ZBTB40: variants seen among roughly 807,000 people sequenced by gnomAD.
ZBTB40 encodes the protein zinc finger and BTB domain containing 40, also known as zinc finger and BTB domain-containing protein 40.
Under a neutral mutation model 117.5 loss-of-function variants are expected in ZBTB40, and 60 were observed. The ratio of observed to expected loss-of-function variants is 0.51; its 90% CI spans 0.41 to 0.63. ZBTB40 has a LOEUF of 0.63. Among genes scored for constraint, ZBTB40 ranks in the 30% least tolerant of loss-of-function variants. The pLI, the probability that ZBTB40 is intolerant of heterozygous loss-of-function variation, is 0.00. For synonymous variants in ZBTB40, 525 were observed against 577.1 expected (o/e 0.91, Z 1.29); for missense variants, 1,287 against 1,498.5 (o/e 0.86, Z 2.33).
intron 1 of ZBTB40, among the ~76,000 whole-genome samples, chr1:22,441,781 C>T (rs1284110382): frequency 6.6e-6 from 1 of 152,014 alleles, no homozygotes; most frequent in African/African-American, 2.4e-5. Flanking sequence ...CTGTGCCTGG[C>T]CATTATTATT....
intron 17 of ZBTB40, among the ~76,000 whole-genome samples, chr1:22,524,766 CTT>C (rs1639632605): frequency 6.6e-6 from 1 of 152,236 alleles, no homozygotes; most frequent in African/African-American, 2.4e-5. Flanking sequence ...CAGAGGAACA[CTT>C]TGTTGGGCAG....
rs769757272 is a variant in ZBTB40, at chr1:22,511,846, G to C, written c.2173G>C (p.Ala725Pro). 16 of 1,614,020 alleles carry C rather than the reference G, an allele frequency of 9.9e-6. No individual in the cohort carries two copies. The highest frequency in any genetic ancestry group is 1.3e-5 in the Non-Finnish European group (15 of 1,180,030). Residue 725 changes from alanine (A) to proline (P), a missense_variant, in exon 11 of 18, where the codon GCT (alanine) becomes CCT (proline). Physicochemically the swap from Ala to Pro is conservative, Grantham distance 27. Around this residue, in one of 2 missense-constraint regions of ZBTB40, gnomAD observed 870 missense variants for 934.4 expected, o/e 0.93. Coordinates refer to ENST00000375647, the MANE Select transcript of ZBTB40 (RefSeq NM_014870.4). ...CTTGCCAGGACAGCAAGAGAAAGAGGCTTCAGCCTCCCCAGACCCTGCCAA... is the reference window on the plus strand; with the variant it reads ...CTTGCCAGGACAGCAAGAGAAAGAGCCTTCAGCCTCCCCAGACCCTGCCAA... ...GSLPGQQEKE[A>P]SASPDPAKKS...
intron 1 of ZBTB40, among the ~76,000 whole-genome samples, chr1:22,471,714 AC>A (rs998880494): frequency 6.6e-6 from 1 of 152,070 alleles, no homozygotes; most frequent in African/African-American, 2.4e-5. Flanking sequence ...CCTCCTATTC[AC>A]CCCATCCGAA....
At chr1:22,475,573 G>A (rs1641533918) in intron 1 of ZBTB40, among the ~76,000 whole-genome samples, 1 of 152,136 alleles carries the variant, frequency 6.6e-6, no homozygotes, top group African/African-American at 2.4e-5. Flanking sequence ...CTTGTCTGTT[G>A]AAATTAAACC....
At chr1:22,449,294 TC>T (rs1640827768), upstream of ZBTB40, among the ~76,000 whole-genome samples, 1 of 152,132 alleles carries the variant, frequency 6.6e-6, no homozygotes, top group Admixed American at 6.5e-5. Context: ...TTCTCAACCC[TC>T]CCCCTCAAAG....
At chr1:22,457,367 A>G (rs904522119) in intron 1 of ZBTB40, among the ~76,000 whole-genome samples, 1 of 152,246 alleles carries the variant, frequency 6.6e-6, no homozygotes, top group African/African-American at 2.4e-5. Context: ...AGGGAAACAA[A>G]AACAAGGAAA....
Position 22,509,360 on chromosome 1 carries a change from C to T in ZBTB40, c.1833+127C>T, listed in dbSNP as rs545316636. 9.4e-6 allele frequency: 13 copies of T among 1,381,468 alleles called. No individual in the cohort carries two copies. The African/African-American group carries it at 1.7e-4, about 18-fold the overall frequency. 85.6% of individuals were successfully genotyped at this position (1,381,468 alleles called of 1,614,324 possible). A position where few individuals can be genotyped will look rare whatever the true frequency, so the allele number is the denominator to read the frequency against. ...TTCCTTCTTTTTTTTTCCTTTTTCT[C>T]TTTTGAGACAGAGTCTTGCTCTGTC... is the stretch of plus-strand genomic sequence containing the variant. On this transcript the variant is annotated intron_variant, in intron 9 of 17. Transcript: ENST00000375647.
chr1:22,515,568 C>G (rs1371186897), intron 12 of ZBTB40, among the ~76,000 whole-genome samples: 1 of 152,180 alleles, frequency 6.6e-6, no homozygotes, highest in African/African-American at 2.4e-5. Flanking sequence ...TTCCCTGGCT[C>G]TTGGCCACAT....
chr1:22,512,833 G>A (rs1639277530), intron 11 of ZBTB40, 91 bp from the exon 12 acceptor site: 3 of 1,459,494 alleles, frequency 2.1e-6, no homozygotes, highest in Non-Finnish European at 2.9e-6. Flanking sequence ...TGGAGGCCTG[G>A]GCTGAGACAG....
chr1:22,520,000 T>C, intron 13 of ZBTB40, 61 bp from the exon 14 acceptor site: 1 of 1,462,896 alleles, frequency 6.8e-7, no homozygotes, highest in Admixed American at 1.7e-5. Flanking sequence ...CACTGATGGC[T>C]GCCTATGGTG....
At position 22,485,101 on chromosome 1, in the gene ZBTB40, GTTTTC is replaced by G. The variant is rs1310649833; in HGVS notation, c.-69-4771_-69-4767del. Reference sequence around the variant, plus strand: ...TCTTAACGAGAGATACTGGTCTGTGGTTTTCTTTTCTTGTAATGTCTCTGTGTGGT... The same window carrying G: ...TCTTAACGAGAGATACTGGTCTGTGGTTTTCTTGTAATGTCTCTGTGTGGT... On this transcript the variant is annotated intron_variant, in intron 1 of 17. Transcript: ENST00000375647. 7.9e-5 allele frequency among the ~76,000 whole-genome samples: 12 copies of G among 152,244 alleles called. No individual in the cohort carries two copies. In the East Asian group the frequency reaches 1.2e-3, roughly 15 times the overall value.
chr1:22,511,391 C>T, intron 10 of ZBTB40, 44 bp downstream of exon 10: 1 of 1,608,402 alleles, frequency 6.2e-7, no homozygotes, highest in Non-Finnish European at 8.5e-7. Context: ...ATCAGCACAC[C>T]AGGTTGTTTC....
At chr1:22,431,266 T>C (rs1308766734) in intron 1 of ZBTB40, among the ~76,000 whole-genome samples, 2 of 146,320 alleles carry the variant, frequency 1.4e-5, no homozygotes, top group Admixed American at 1.5e-4. Context: ...TTGTATATAT[T>C]GAATATATAC....
At chr1:22,432,563 C>T (rs928083950) in intron 1 of ZBTB40, among the ~76,000 whole-genome samples, 1 of 152,210 alleles carries the variant, frequency 6.6e-6, no homozygotes, top group African/African-American at 2.4e-5. Context: ...CATAGCCATA[C>T]AGGTACATTG....
intron 1 of ZBTB40, among the ~76,000 whole-genome samples, chr1:22,481,557 A>G (rs1456149382): frequency 6.6e-6 from 1 of 152,034 alleles, no homozygotes; most frequent in East Asian, 1.9e-4. Context: ...CTCTGACCAC[A>G]TAATGCTTGA....
intron 1 of ZBTB40, among the ~76,000 whole-genome samples, chr1:22,468,146 A>G (rs1261815706): frequency 6.6e-6 from 1 of 151,850 alleles, no homozygotes; most frequent in Non-Finnish European, 1.5e-5. Flanking sequence ...GTTGACAGTC[A>G]CTTTGCTAAA....
At chr1:22,465,937 A>G (rs1641244241) in intron 1 of ZBTB40, among the ~76,000 whole-genome samples, 1 of 152,196 alleles carries the variant, frequency 6.6e-6, no homozygotes, top group African/African-American at 2.4e-5. Context: ...CAACTGGATC[A>G]GCTGCCACCA....
At chr1:22,468,901 A>C (rs946502412) in intron 1 of ZBTB40, among the ~76,000 whole-genome samples, 1 of 152,044 alleles carries the variant, frequency 6.6e-6, no homozygotes, top group Admixed American at 6.6e-5. Context: ...ATCATAGCTC[A>C]CTATAGCCTT....
chr1:22,462,834 A>C (rs114147974), intron 1 of ZBTB40, among the ~76,000 whole-genome samples: 4,187 of 152,326 alleles, frequency 0.027, 226 homozygotes, highest in African/African-American at 0.096. Flanking sequence ...GAAATGAGCA[A>C]TGCAGTTGTC....
Sources: gnomAD v4.1 joint callset for allele counts (sites outside exome capture counted in the v4.1 genomes callset) on GRCh38, gnomAD v4.1.1 for gene constraint, gnomAD v4.1.1 regional missense constraint, MANE v1.5 for transcripts, NCBI Gene and HGNC (gene_info 2026-07-23, HGNC 2026-07-21) for gene names.